ARHGEF28: variants seen among roughly 807,000 people sequenced by gnomAD.
ARHGEF28 encodes Rho guanine nucleotide exchange factor 28.
A neutral mutation model predicts 206.6 loss-of-function variants in ARHGEF28; 152 were observed. The ratio of observed to expected loss-of-function variants is 0.74; its 90% CI spans 0.64 to 0.84. The LOEUF (loss-of-function observed/expected upper bound fraction) is 0.84. Ranked by LOEUF, ARHGEF28 falls within the 40% of genes least tolerant of loss-of-function variation. The probability of loss-of-function intolerance (pLI) is 0.00; values close to 1 mark genes in which losing one functional copy is unlikely to be tolerated. For missense variants in ARHGEF28, 2,028 were observed against 2,073.2 expected (o/e 0.98, Z 0.42); for synonymous variants, 763 against 776.4 (o/e 0.98, Z 0.29).
At chr5:73,738,139 A>G (rs538209509) in intron 2 of ARHGEF28, among the ~76,000 whole-genome samples, 1 of 152,264 alleles carries the variant, frequency 6.6e-6, no homozygotes, top group Admixed American at 6.5e-5. Flanking sequence ...ACTTCTTTTC[A>G]TAAAGGCTCT....
At chr5:73,762,492 A>C (rs1041540745) in intron 4 of ARHGEF28, among the ~76,000 whole-genome samples, 29 of 151,734 alleles carry the variant, frequency 1.9e-4, no homozygotes, top group African/African-American at 7.0e-4. Flanking sequence ...AACAACAACA[A>C]AATCTATTTT....
chr5:73,729,159 C>G (rs1394343909), intron 2 of ARHGEF28, among the ~76,000 whole-genome samples: 1 of 152,092 alleles, frequency 6.6e-6, no homozygotes, highest in African/African-American at 2.4e-5. Context: ...GCTCAGCCTC[C>G]TGACAAGCTG....
chr5:73,901,126 G>C, intron 30 of ARHGEF28, 58 bp from the exon 31 acceptor site: 5 of 1,417,636 alleles, frequency 3.5e-6, no homozygotes, highest in Non-Finnish European at 4.9e-6. Flanking sequence ...AGAACCCGGT[G>C]GGCTGGCCGA....
At chr5:73,715,328 G>C (rs1316776837) in intron 2 of ARHGEF28, among the ~76,000 whole-genome samples, 2 of 152,152 alleles carry the variant, frequency 1.3e-5, no homozygotes. Context: ...CCATGAATAA[G>C]CTCTAAGGAC....
intron 1 of ARHGEF28, among the ~76,000 whole-genome samples, chr5:73,669,437 A>G (rs1213064935): frequency 1.3e-5 from 2 of 152,080 alleles, no homozygotes; most frequent in Non-Finnish European, 2.9e-5. Flanking sequence ...ACTCTGCCCA[A>G]TTCCCCCAAT....
chr5:73,778,515 G>C (rs1450590080), intron 6 of ARHGEF28, among the ~76,000 whole-genome samples: 1 of 152,108 alleles, frequency 6.6e-6, no homozygotes, highest in Admixed American at 6.5e-5. Flanking sequence ...CTTGATACAA[G>C]AATCAGTTAG....
intron 9 of ARHGEF28, among the ~76,000 whole-genome samples, chr5:73,797,635 C>A (rs937226807): frequency 6.6e-6 from 1 of 152,114 alleles, no homozygotes; most frequent in African/African-American, 2.4e-5. Context: ...CTGCCAGCCT[C>A]GGCCTCCTAA....
At chr5:73,626,689 A>G (rs1343351228) in intron 1 of ARHGEF28, among the ~76,000 whole-genome samples, 1 of 152,114 alleles carries the variant, frequency 6.6e-6, no homozygotes, top group African/African-American at 2.4e-5. Flanking sequence ...GAGAACGTCG[A>G]GAGTTGGTGT....
rs75123645 is a variant in ARHGEF28 at position 73,753,334 on chromosome 5, G to C, written c.475+132G>C. On this transcript the variant is annotated intron_variant, in intron 4 of 35. Transcript: ENST00000513042. ...TACCTGAACCTTGCTCTGATGTGGA[G>C]GGGCTCCCTGAGGTCCTGAGCCACT... The C allele has an allele frequency of 2.4e-3, 2,333 of 990,668 alleles. 47 individuals are homozygous for C. In the East Asian group the frequency reaches 0.042, roughly 18 times the overall value. The allele number at this position is 990,668 out of a possible 1,614,324, so 61.4% of individuals were successfully genotyped here.
intron 22 of ARHGEF28, among the ~76,000 whole-genome samples, chr5:73,875,962 CATTGCTAGCT>C (rs1473717593): frequency 6.6e-6 from 1 of 151,774 alleles, no homozygotes; most frequent in Non-Finnish European, 1.5e-5. Context: ...TGAAGAAAGT[CATTGCTAGCT>C]TGATGGGGAT....
At chr5:73,815,550 A>G (rs569324300) in intron 9 of ARHGEF28, among the ~76,000 whole-genome samples, 42 of 152,284 alleles carry the variant, frequency 2.8e-4, no homozygotes, top group East Asian at 2.7e-3. Context: ...CTCTGTGTCA[A>G]TTCTAACCCA....
rs2112410717 is a variant in ARHGEF28 at position 73,755,826 on chromosome 5, G to T, written c.475+2624G>T. Among the ~76,000 whole-genome samples the T allele has an allele frequency of 1.3e-5, 2 of 152,260 alleles. 1 individual carries two copies. The highest frequency in any genetic ancestry group is 6.8e-3 in the Middle Eastern group (2 of 294). On this transcript the variant is annotated intron_variant, in intron 4 of 35. Transcript: ENST00000513042. ...GCTATTTGGGGATACATTCTTGTTTGCCAGGCTTTTAGCTGTCATGGCCTT... is the reference window on the plus strand; with the variant it reads ...GCTATTTGGGGATACATTCTTGTTTTCCAGGCTTTTAGCTGTCATGGCCTT...
intron 4 of ARHGEF28, among the ~76,000 whole-genome samples, chr5:73,767,862 T>C (rs1121376): frequency 0.022 from 3,402 of 152,266 alleles, 148 homozygotes; most frequent in African/African-American, 0.078. Context: ...CCTCCCATTA[T>C]AGGCCCAGAG....
chr5:73,742,154 A>G (rs1751472660), intron 2 of ARHGEF28, among the ~76,000 whole-genome samples: 1 of 151,876 alleles, frequency 6.6e-6, no homozygotes, highest in African/African-American at 2.4e-5. Flanking sequence ...TTAGTTTTGC[A>G]TGGATGTCTT....
chr5:73,676,237 A>AT (rs1234520312), intron 1 of ARHGEF28, among the ~76,000 whole-genome samples: 2 of 134,684 alleles, frequency 1.5e-5, no homozygotes, highest in Non-Finnish European at 1.7e-5. Context: ...CACCCAGCTA[A>AT]TGTTTTTTTT....
chr5:73,688,251 G>A (rs1747593853), intron 2 of ARHGEF28, among the ~76,000 whole-genome samples: 1 of 152,028 alleles, frequency 6.6e-6, no homozygotes, highest in South Asian at 2.1e-4. Context: ...AATCAGGAAG[G>A]AAAAAAATTG....
intron 31 of ARHGEF28, chr5:73,903,680 A>G (rs1762395622): frequency 6.4e-6 from 1 of 155,310 alleles, no homozygotes; most frequent in Non-Finnish European, 1.4e-5. Flanking sequence ...GGTGGGATCT[A>G]GAGCAGCCCA....
rs368285021 is a variant in ARHGEF28 at position 73,753,111 on chromosome 5, A to G, written c.384A>G (p.Ala128=). Reference sequence around the variant, plus strand: ...CCCCATTTGCCTTGACGGCAGGAGCACTGCCTGCCTTGGATGAGGAGCTCG... The same window carrying G: ...CCCCATTTGCCTTGACGGCAGGAGCGCTGCCTGCCTTGGATGAGGAGCTCG... ...LLTPFALTAG[A]LPALDEELVL... is the part of the protein sequence containing the mutation. The change falls in exon 4 of 36, where the codon GCA becomes GCG. Residue 128 remains alanine (A), a synonymous_variant. Coordinates refer to ENST00000513042, the MANE Select transcript of ARHGEF28 (RefSeq NM_001177693.2). 610 of 1,592,358 alleles carry G rather than the reference A, an allele frequency of 3.8e-4. 4 individuals carry two copies. The Admixed American group carries it at 9.5e-3, about 25-fold the overall frequency.
chr5:73,782,068 G>A (rs1221370011), intron 7 of ARHGEF28, among the ~76,000 whole-genome samples: 1 of 150,722 alleles, frequency 6.6e-6, no homozygotes, highest in Non-Finnish European at 1.5e-5. Flanking sequence ...TGGCCTCACA[G>A]AAGAGTTGGA....
Sources: allele counts gnomAD v4.1 joint callset (sites outside exome capture counted in the v4.1 genomes callset), GRCh38; gene constraint gnomAD v4.1.1; transcripts MANE v1.5; gene names NCBI Gene and HGNC (gene_info 2026-07-23, HGNC 2026-07-21).